The following PPP1R9B variants were observed in gnomAD, a reference collection of about 807,000 sequenced individuals.
The protein encoded by PPP1R9B is protein phosphatase 1 regulatory subunit 9B.
PPP1R9B carries 17 observed loss-of-function variants against 75.8 expected under a neutral mutation model. That is an observed-to-expected ratio of 0.22 (90% confidence interval 0.15 to 0.34). The LOEUF (loss-of-function observed/expected upper bound fraction) is 0.34, where lower values mean the gene tolerates loss of function less well. PPP1R9B is among the 10% of genes least tolerant of loss of function. The pLI is 1.00. For synonymous variants in PPP1R9B, 509 were observed against 535.4 expected (o/e 0.95, Z 0.68); for missense variants, 875 against 1,196.0 (o/e 0.73, Z 3.96).
At chr17:50,140,056 G>GGGCGACCACGC in intron 5 of PPP1R9B, 37 bp downstream of exon 5, 1 of 1,607,506 alleles carries the variant, frequency 6.2e-7, no homozygotes, top group Admixed American at 1.7e-5. Flanking sequence ...AGCCACCAGG[G>GGGCGACCACGC]GGCGACCACG....
At chr17:50,138,035 C>T (rs1912272553) in intron 7 of PPP1R9B, among the ~76,000 whole-genome samples, 2 of 152,202 alleles carry the variant, frequency 1.3e-5, no homozygotes, top group South Asian at 4.1e-4. Context: ...TACTGGGACT[C>T]CTATAGTCTA....
At position 50,139,649 on chromosome 17, in the gene PPP1R9B, T is replaced by TGA; in HGVS notation, c.1867-69_1867-68insTC. On this transcript the variant is annotated intron_variant, in intron 5 of 9. Coordinates refer to ENST00000612501, the MANE Select transcript of PPP1R9B (RefSeq NM_032595.5). This position sits in a 1 kb window ranked among gnomAD's most constrained non-coding sequence, Gnocchi z 5.0. ...TGCCCTCAGCCCTGATGACCAGGGCTGGGACCAGTTGCCCATGCCAGACAG... is the reference window on the plus strand; with the variant it reads ...TGCCCTCAGCCCTGATGACCAGGGCTGAGGGACCAGTTGCCCATGCCAGACAG... The TGA allele has an allele frequency of 6.7e-7, 1 of 1,491,374 alleles. No individual in the cohort carries two copies. Among genetic ancestry groups the TGA allele is most frequent in the Non-Finnish European group, 9.0e-7 (1 of 1,116,882 alleles). 92.4% of individuals were successfully genotyped at this position (1,491,374 alleles called of 1,614,324 possible).
rs568996879 is a variant in PPP1R9B at position 50,149,914 on chromosome 17, G to A, written c.600C>T (p.Asp200=). 1.2e-4 allele frequency: 174 copies of A among 1,508,356 alleles called. 3 individuals carry two copies. The South Asian group carries it at 1.9e-3, about 17-fold the overall frequency. 93.4% of individuals were successfully genotyped at this position (1,508,356 alleles called of 1,614,324 possible). Reference sequence around the variant, plus strand: ...TGACCGTGGGGGACACGGCGTCAGCGTCCAGCTTGTCCAGCGCCTCGGTGC... The same window carrying A: ...TGACCGTGGGGGACACGGCGTCAGCATCCAGCTTGTCCAGCGCCTCGGTGC... ...NGSTEALDKL[D]ADAVSPTVSQ... is the part of the protein sequence containing the mutation. The change falls in exon 1 of 10, where the codon GAC becomes GAT. Residue 200 remains aspartate (D), a synonymous_variant. Coordinates refer to ENST00000612501, the MANE Select transcript of PPP1R9B (RefSeq NM_032595.5). The surrounding 1 kb of genome is among the most constrained non-coding windows in gnomAD (Gnocchi z 7.2).
In PPP1R9B at chr17:50,150,221, G is replaced by A; in HGVS notation, c.293C>T (p.Ala98Val). 6.9e-7 allele frequency: 1 copy of A among 1,445,230 alleles called. No homozygotes were observed. Among genetic ancestry groups the A allele is most frequent in the Non-Finnish European group, 9.1e-7 (1 of 1,094,432 alleles). 89.5% of individuals were successfully genotyped at this position (1,445,230 alleles called of 1,614,324 possible). The change falls in exon 1 of 10, where the codon GCC becomes GTC. Residue 98 changes from alanine to valine, a missense_variant. This residue lies in a region of PPP1R9B where 145 missense variants were observed against 226.1 expected (regional missense o/e 0.64). Transcript: ENST00000612501. The surrounding 1 kb of genome is among the most constrained non-coding windows in gnomAD (Gnocchi z 8.7). ...GTCCACGTTCTCGTTCAGGCTGCTG[G>A]CCCGCGGCAGCGACAGGCGCACGCC... Reference protein sequence around the residue: ...ERGVRLSLPRASSLNENVDHS... With the variant: ...ERGVRLSLPRVSSLNENVDHS...
chr17:50,143,577 G>C (rs1310159266), intron 3 of PPP1R9B, 21 bp downstream of exon 3: 1 of 1,613,470 alleles, frequency 6.2e-7, no homozygotes, highest in Non-Finnish European at 8.5e-7. Flanking sequence ...AGGGTCAGGC[G>C]AGACTGGGGA....
chr17:50,135,124 A>C lies in PPP1R9B; in HGVS notation c.*207T>G, dbSNP rs1477900118. Reference sequence around the variant, plus strand: ...GGGGCAAGAAAGAGGCTGCCCTTCTAGCCACCTCTGTCTGCCCAGGCCATC... The same window carrying C: ...GGGGCAAGAAAGAGGCTGCCCTTCTCGCCACCTCTGTCTGCCCAGGCCATC... On this transcript the variant is annotated 3_prime_UTR_variant, in exon 10 of 10. Transcript: ENST00000612501. The C allele has an allele frequency of 3.4e-6, 2 of 585,382 alleles. No individual in the cohort carries two copies. Among genetic ancestry groups the C allele is most frequent in the Non-Finnish European group, 6.1e-6 (2 of 328,376 alleles). 36.3% of individuals were successfully genotyped at this position (585,382 alleles called of 1,614,324 possible). A position where few individuals can be genotyped will look rare whatever the true frequency, so the allele number is the denominator to read the frequency against.
At position 50,149,105 on chromosome 17, in the gene PPP1R9B, A is replaced by AGGGGCGGCGCGGGGGC; in HGVS notation, c.1371+22_1371+37dup. 4 of 1,290,632 alleles carry AGGGGCGGCGCGGGGGC rather than the reference A, an allele frequency of 3.1e-6. No individual in the cohort carries two copies. Among genetic ancestry groups the AGGGGCGGCGCGGGGGC allele is most frequent in the Non-Finnish European group, 4.0e-6 (4 of 1,007,264 alleles). 79.9% of individuals were successfully genotyped at this position (1,290,632 alleles called of 1,614,324 possible). On this transcript the variant is annotated intron_variant, in intron 1 of 9. Transcript: ENST00000612501. This position sits in a 1 kb window ranked among gnomAD's most constrained non-coding sequence, Gnocchi z 7.2. ...GCGGGGGCGGCCGCGTGCACGTGGC[A>AGGGGCGGCGCGGGGGC]GGGGCGGCGCGGGGGCAGGGCGGGG...
chr17:50,135,929 G>A (rs1912215964), intron 8 of PPP1R9B, 39 bp downstream of exon 8: 1 of 1,437,292 alleles, frequency 7.0e-7, no homozygotes, highest in Non-Finnish European at 9.5e-7. Context: ...GCCTCTCAAT[G>A]CTCCCTGGGC....
At chr17:50,136,222 G>T in intron 7 of PPP1R9B, 25 bp from the exon 8 acceptor site, 1 of 1,587,002 alleles carries the variant, frequency 6.3e-7, no homozygotes, top group Non-Finnish European at 8.5e-7. Flanking sequence ...CACGGCCCTG[G>T]GTTGGTGGGG....
intron 9 of PPP1R9B, 43 bp downstream of exon 9, chr17:50,135,510 G>A (rs1372464813): frequency 1.9e-6 from 3 of 1,588,186 alleles, no homozygotes; most frequent in Non-Finnish European, 2.6e-6. Flanking sequence ...CTTCAATGCT[G>A]CTCCCTCCAC....
At position 50,149,231 on chromosome 17, in the gene PPP1R9B, T is replaced by A. The variant is rs761191121; in HGVS notation, c.1283A>T (p.Glu428Val). ...CCCCGGGATCTCCACGCACCCCGAC[T>A]CGGGCTCGTAGGGGGGCTCCCCATC... ...EEDGEPPYEP[E>V]SGCVEIPGLS... is the part of the protein sequence containing the mutation. The change falls in exon 1 of 10, where the codon GAG (glutamate) becomes GTG (valine). Residue 428 changes from glutamate (E) to valine (V), a missense_variant. Coordinates refer to ENST00000612501, the MANE Select transcript of PPP1R9B (RefSeq NM_032595.5). The surrounding 1 kb of genome is among the most constrained non-coding windows in gnomAD (Gnocchi z 7.2). 1.4e-5 allele frequency: 22 copies of A among 1,610,804 alleles called. No individual in the cohort carries two copies. The East Asian group carries it at 4.9e-4, about 36-fold the overall frequency.
At chr17:50,143,483 G>C in intron 3 of PPP1R9B, 115 bp downstream of exon 3, 1 of 1,316,452 alleles carries the variant, frequency 7.6e-7, no homozygotes, top group Non-Finnish European at 1.1e-6. Flanking sequence ...TGCACACACA[G>C]CACGGAAATC....
At chr17:50,141,714 C>T (rs528629230) in intron 3 of PPP1R9B, among the ~76,000 whole-genome samples, 1 of 151,156 alleles carries the variant, frequency 6.6e-6, no homozygotes, top group East Asian at 1.9e-4. Flanking sequence ...CAACAAAAAA[C>T]CTCACAGATA....
Position 50,149,859 on chromosome 17 carries a change from C to T in PPP1R9B, c.655G>A (p.Asp219Asn). 1 of 1,489,752 alleles carries T rather than the reference C, an allele frequency of 6.7e-7. No individual in the cohort carries two copies. The highest frequency in any genetic ancestry group is 1.3e-5 in the South Asian group (1 of 79,322). 92.3% of individuals were successfully genotyped at this position (1,489,752 alleles called of 1,614,324 possible). The change falls in exon 1 of 10, where the codon GAC (aspartate) becomes AAC (asparagine). Residue 219 changes from aspartate to asparagine, a missense_variant. Asp to Asn is a conservative substitution (Grantham distance 23). Transcript: ENST00000612501. The surrounding 1 kb of genome is among the most constrained non-coding windows in gnomAD (Gnocchi z 7.2). Reference sequence around the variant, plus strand: ...CCGCGGTGGAGGCCGGTCCTCGAGTCGGCCTTCTCGAAGACGGCGCTGAGC... The same window carrying T: ...CCGCGGTGGAGGCCGGTCCTCGAGTTGGCCTTCTCGAAGACGGCGCTGAGC... Reference protein sequence around the residue: ...SQLSAVFEKADSRTGLHRGPG... With the variant: ...SQLSAVFEKANSRTGLHRGPG...
intron 7 of PPP1R9B, 53 bp from the exon 8 acceptor site, chr17:50,136,250 G>A (rs1300710242): frequency 2.0e-6 from 3 of 1,499,372 alleles, no homozygotes; most frequent in African/African-American, 2.8e-5. Context: ...GGAGCCAAAG[G>A]GTACCCCCAT....
At chr17:50,147,562 G>A (rs1912547454) in intron 1 of PPP1R9B, among the ~76,000 whole-genome samples, 1 of 151,990 alleles carries the variant, frequency 6.6e-6, no homozygotes, top group Admixed American at 6.5e-5. Context: ...ATTTTTTACT[G>A]AAAAATCAGG....
At position 50,150,623 on chromosome 17, in the gene PPP1R9B, G is replaced by A. The variant is rs1912673418; in HGVS notation, c.-110C>T. ...TCCCCCCGATAAAAGAAACCCCGAA[G>A]GCCTTTTTTAGGGTCCCCCCAAAAC... On this transcript the variant is annotated 5_prime_UTR_variant, in exon 1 of 10. Transcript: ENST00000612501. This position sits in a 1 kb window ranked among gnomAD's most constrained non-coding sequence, Gnocchi z 8.7. 1.7e-6 allele frequency: 2 copies of A among 1,158,584 alleles called. No individual in the cohort carries two copies. Among genetic ancestry groups the A allele is most frequent in the African/African-American group, 1.7e-5 (1 of 59,618 alleles). 71.8% of individuals were successfully genotyped at this position (1,158,584 alleles called of 1,614,324 possible).
In PPP1R9B at chr17:50,141,280, C is replaced by T. The variant is rs892464853; in HGVS notation, c.1719G>A (p.Lys573=). ...SFAASVLRNT[K]GRVRFMIGRE... ...CTCTGGGCTCTCACCGCACTCGGCC[C>T]TTGGTGTTCCGGAGCACAGACGCCG... The change falls in exon 4 of 10, where the codon AAG becomes AAA. Residue 573 remains lysine (K), a synonymous_variant. Transcript: ENST00000612501. The T allele has an allele frequency of 4.4e-6, 7 of 1,581,770 alleles. No homozygotes were observed. The highest frequency in any genetic ancestry group is 6.0e-6 in the Non-Finnish European group (7 of 1,165,138).
At position 50,143,756 on chromosome 17, in the gene PPP1R9B, G is replaced by A. The variant is rs765639426; in HGVS notation, c.1505-38C>T. 47 of 1,611,490 alleles carry A rather than the reference G, an allele frequency of 2.9e-5. 1 individual carries two copies. The highest frequency in any genetic ancestry group is 1.6e-4 in the Middle Eastern group (1 of 6,078). ...GAGTGGTGAGATGGCAGGGCTTGTA[G>A]GGGACAGACGAGAGACTCTCCACCC... is the stretch of plus-strand genomic sequence containing the variant. On this transcript the variant is annotated intron_variant, in intron 2 of 9. Transcript: ENST00000612501.
Sources: allele counts gnomAD v4.1 joint callset (sites outside exome capture counted in the v4.1 genomes callset), GRCh38; gene constraint gnomAD v4.1.1; regional missense constraint gnomAD v4.1.1; non-coding constraint Gnocchi (gnomAD v3.1); transcripts MANE v1.5; gene names NCBI Gene and HGNC (gene_info 2026-07-23, HGNC 2026-07-21).